RARB: variants seen among roughly 807,000 people sequenced by gnomAD.
RARB encodes retinoic acid receptor beta.
In RARB, 17 loss-of-function variants were observed where a neutral mutation model predicts 51.9. The ratio of observed to expected loss-of-function variants is 0.33; its 90% confidence interval spans 0.22 to 0.49. The LOEUF (loss-of-function observed/expected upper bound fraction) is 0.49. RARB is among the 20% of genes least tolerant of loss of function. The pLI, the probability that RARB is intolerant of heterozygous loss-of-function variation, is 0.99. For synonymous variants in RARB, 215 were observed against 195.4 expected (o/e 1.10, Z -0.84); for missense variants, 369 against 550.8 (o/e 0.67, Z 3.30).
chr3:24,931,609 T>A (rs1011033681), intron 2 of RARB, among the ~76,000 whole-genome samples: 1 of 152,106 alleles, frequency 6.6e-6, no homozygotes, highest in Admixed American at 6.6e-5. Flanking sequence ...GCAAAGTGTG[T>A]GGTACAGCAG....
At chr3:25,342,790 G>C (rs935765106) in intron 5 of RARB, among the ~76,000 whole-genome samples, 1 of 152,112 alleles carries the variant, frequency 6.6e-6, no homozygotes, top group Admixed American at 6.5e-5. Context: ...AGCAGAAACA[G>C]AGACGGTAGG....
At position 25,506,915 on chromosome 3, in the gene RARB, G is replaced by A. The variant is rs75166176; in HGVS notation, c.448+5592G>A. On this transcript the variant is annotated intron_variant, in intron 3 of 7. Coordinates refer to ENST00000330688, the MANE Select transcript of RARB (RefSeq NM_000965.5). ...CACACTACACCATGCTGACTTATGA[G>A]CCGTATGTCTCCATTTTTCTGAGGA... 7.7e-4 allele frequency among the ~76,000 whole-genome samples: 118 copies of A among 152,326 alleles called. 3 individuals carry two copies. In the East Asian group the frequency reaches 0.019, roughly 24 times the overall value.
intron 2 of RARB, among the ~76,000 whole-genome samples, chr3:24,972,645 A>G (rs1234288753): frequency 1.3e-5 from 2 of 152,006 alleles, no homozygotes; most frequent in Admixed American, 6.6e-5. Flanking sequence ...CATCCTTGCC[A>G]GCATCTGTTA....
intron 5 of RARB, among the ~76,000 whole-genome samples, chr3:25,313,281 T>A (rs1256087338): frequency 6.6e-6 from 1 of 152,104 alleles, no homozygotes; most frequent in Non-Finnish European, 1.5e-5. Flanking sequence ...GAATTAAGAG[T>A]TAGTGACCCA....
intron 3 of RARB, among the ~76,000 whole-genome samples, chr3:25,103,655 C>A (rs1363652328): frequency 6.6e-6 from 1 of 152,192 alleles, no homozygotes; most frequent in African/African-American, 2.4e-5. Context: ...CTCAGCTAAT[C>A]CTCACAGCTA....
At chr3:25,499,678 C>A (rs1016562758) in intron 2 of RARB, among the ~76,000 whole-genome samples, 2 of 151,926 alleles carry the variant, frequency 1.3e-5, no homozygotes. Flanking sequence ...TAAACACATG[C>A]CAAAAATTTA....
At chr3:25,011,785 A>G (rs1697400342) in intron 2 of RARB, among the ~76,000 whole-genome samples, 1 of 152,172 alleles carries the variant, frequency 6.6e-6, no homozygotes, top group African/African-American at 2.4e-5. Context: ...ATAGCAGACT[A>G]GCCCCACACC....
intron 5 of RARB, among the ~76,000 whole-genome samples, chr3:25,245,621 A>C (rs1702540336): frequency 6.6e-6 from 1 of 152,172 alleles, no homozygotes; most frequent in Admixed American, 6.5e-5. Context: ...AAGAATGTTG[A>C]ATATTGGCCC....
In RARB at chr3:25,438,569, C is replaced by T. The variant is rs117301825; in HGVS notation, c.157+9681C>T. Among the ~76,000 whole-genome samples the T allele has an allele frequency of 3.5e-3, 533 of 152,238 alleles. 11 individuals carry two copies. In the East Asian group the frequency reaches 0.053, roughly 15 times the overall value. On this transcript the variant is annotated intron_variant, in intron 1 of 7. Coordinates refer to ENST00000330688, the MANE Select transcript of RARB (RefSeq NM_000965.5). Reference sequence around the variant, plus strand: ...CACAACCCTATAAGTGAGATGTCATCTTCATTTTACAGATGAGGAAATGGA... The same window carrying T: ...CACAACCCTATAAGTGAGATGTCATTTTCATTTTACAGATGAGGAAATGGA...
chr3:25,308,369 G>A (rs1704203093), intron 5 of RARB, among the ~76,000 whole-genome samples: 1 of 151,718 alleles, frequency 6.6e-6, no homozygotes, highest in South Asian at 2.1e-4. Flanking sequence ...TACAGACTAG[G>A]ATAAATGCTC....
At chr3:24,833,702 C>T (rs1049756571) in intron 1 of RARB, among the ~76,000 whole-genome samples, 1 of 152,186 alleles carries the variant, frequency 6.6e-6, no homozygotes, top group African/African-American at 2.4e-5. Context: ...AGTTCAGAAA[C>T]TTAGATTTAT....
intron 5 of RARB, among the ~76,000 whole-genome samples, chr3:25,586,879 T>C (rs1443209630): frequency 6.6e-6 from 1 of 152,238 alleles, no homozygotes; most frequent in African/African-American, 2.4e-5. Context: ...CCTGGGCGTC[T>C]GTGCCATCAC....
chr3:25,118,423 T>C (rs542061281), intron 3 of RARB, among the ~76,000 whole-genome samples: 4 of 152,274 alleles, frequency 2.6e-5, no homozygotes, highest in South Asian at 2.1e-4. Context: ...TCCCTGACTT[T>C]TGTTAAACAG....
intron 1 of RARB, chr3:24,833,349 G>T (rs746409425): frequency 3.3e-5 from 5 of 152,114 alleles, no homozygotes; most frequent in Non-Finnish European, 7.4e-5. Flanking sequence ...TCTAAATAAA[G>T]CTTGGATCTT....
At chr3:25,575,230 GTTCTGGCGA>G in intron 4 of RARB, among the ~76,000 whole-genome samples, 1 of 152,280 alleles carries the variant, frequency 6.6e-6, no homozygotes. Context: ...AGGAGGTGGA[GTTCTGGCGA>G]TAACGCTCGC....
intron 3 of RARB, among the ~76,000 whole-genome samples, chr3:25,067,636 C>G (rs995790634): frequency 6.6e-6 from 1 of 152,114 alleles, no homozygotes; most frequent in Non-Finnish European, 1.5e-5. Flanking sequence ...CCATACCTAC[C>G]CTGTAAAAAG....
At chr3:25,057,104 C>A (rs1412306172) in intron 2 of RARB, among the ~76,000 whole-genome samples, 2 of 152,050 alleles carry the variant, frequency 1.3e-5, no homozygotes, top group Admixed American at 6.6e-5. Flanking sequence ...AGCTTTCAGT[C>A]TTGAAGCTTA....
chr3:25,483,110 G>T (rs978029790), intron 2 of RARB, among the ~76,000 whole-genome samples: 1 of 152,162 alleles, frequency 6.6e-6, no homozygotes, highest in Non-Finnish European at 1.5e-5. Context: ...AAAGAGATGT[G>T]AGAATTACAG....
intron 1 of RARB, 93 bp downstream of exon 1, chr3:25,428,981 CAAGACA>C (rs1708093904): frequency 7.2e-7 from 1 of 1,381,768 alleles, no homozygotes; most frequent in South Asian, 1.5e-5. Context: ...GCATTGGTAG[CAAGACA>C]AAGGATTTAA....
Sources: allele counts gnomAD v4.1 joint callset (sites outside exome capture counted in the v4.1 genomes callset), GRCh38; gene constraint gnomAD v4.1.1; transcripts MANE v1.5; gene names NCBI Gene and HGNC (gene_info 2026-07-23, HGNC 2026-07-21).